The following CEP128 variants were observed in gnomAD, a reference collection of about 807,000 sequenced individuals.
CEP128 encodes centrosomal protein 128.
CEP128 carries 132 observed loss-of-function variants against 156.7 expected under a neutral mutation model. The observed-to-expected ratio is 0.84, with a 90% CI of 0.73 to 0.97. CEP128 has a LOEUF of 0.97. Among genes scored for constraint, CEP128 ranks in the 50% least tolerant of loss-of-function variants. CEP128 has a pLI of 0.00. For synonymous variants in CEP128, 469 were observed against 448.9 expected, an observed-to-expected ratio of 1.04 and a Z score of -0.57; for missense variants, 1,252 against 1,281.9, an observed-to-expected ratio of 0.98 and a Z score of 0.36.
At chr14:80,835,347 T>A (rs1260159031) in intron 12 of CEP128, among the ~76,000 whole-genome samples, 1 of 152,224 alleles carries the variant, frequency 6.6e-6, no homozygotes, top group African/African-American at 2.4e-5. Context: ...TAGAATAGCT[T>A]TGTCAAAATT....
intron 15 of CEP128, among the ~76,000 whole-genome samples, chr14:80,782,987 C>A (rs1027804863): frequency 2.0e-5 from 3 of 152,036 alleles, no homozygotes; most frequent in Middle Eastern, 3.2e-3. Context: ...CCTGCACAAT[C>A]TCATCCAAAT....
At chr14:80,534,197 C>T (rs1396880574) in intron 21 of CEP128, among the ~76,000 whole-genome samples, 1 of 151,044 alleles carries the variant, frequency 6.6e-6, no homozygotes, top group East Asian at 2.0e-4. Flanking sequence ...CTTTGGCATA[C>T]AAACTCAAGA....
At chr14:80,918,836 T>C (rs763626343) in intron 2 of CEP128, among the ~76,000 whole-genome samples, 35 of 152,190 alleles carry the variant, frequency 2.3e-4, no homozygotes, top group Non-Finnish European at 4.3e-4. Context: ...CTAAGTGACA[T>C]ATCTATACTA....
At chr14:80,822,750 A>C in intron 13 of CEP128, 2 of 799,296 alleles carry the variant, frequency 2.5e-6, no homozygotes, top group Non-Finnish European at 4.5e-6. Flanking sequence ...GGAGATGCCA[A>C]AACAGACCAG....
At chr14:80,516,601 C>G (rs1457919479) in intron 23 of CEP128, among the ~76,000 whole-genome samples, 1 of 152,174 alleles carries the variant, frequency 6.6e-6, no homozygotes, top group Non-Finnish European at 1.5e-5. Context: ...ATGGGTCTAG[C>G]TAGAATTCAG....
chr14:80,565,339 T>C (rs1363795647), intron 20 of CEP128, among the ~76,000 whole-genome samples: 1 of 151,968 alleles, frequency 6.6e-6, no homozygotes, highest in African/African-American at 2.4e-5. Context: ...ACCTGACCAA[T>C]CCGCACTCCC....
intron 19 of CEP128, among the ~76,000 whole-genome samples, chr14:80,741,722 A>G (rs1356032861): frequency 6.6e-6 from 1 of 152,154 alleles, no homozygotes; most frequent in African/African-American, 2.4e-5. Context: ...ACTTTGTTCT[A>G]CTTAATAGGT....
chr14:80,571,858 T>C (rs1891153651), intron 20 of CEP128, among the ~76,000 whole-genome samples: 1 of 151,924 alleles, frequency 6.6e-6, no homozygotes, highest in Non-Finnish European at 1.5e-5. Flanking sequence ...AGTATAGTAG[T>C]ATAGAAGCCA....
At chr14:80,727,398 T>C (rs889325379) in intron 19 of CEP128, among the ~76,000 whole-genome samples, 4 of 151,924 alleles carry the variant, frequency 2.6e-5, no homozygotes, top group Admixed American at 1.3e-4. Flanking sequence ...GTTACAGAAG[T>C]GGAGAGGCCA....
At position 80,527,315 on chromosome 14, in the gene CEP128, A is replaced by C. The variant is rs958169127; in HGVS notation, c.2959-333T>G. The C allele has an allele frequency of 3.2e-5, 13 of 411,052 alleles. No individual in the cohort carries two copies. In the Admixed American group the frequency reaches 3.3e-4, roughly 10 times the overall value. 25.5% of individuals were successfully genotyped at this position (411,052 alleles called of 1,614,324 possible). A position where few individuals can be genotyped will look rare whatever the true frequency, so the allele number is the denominator to read the frequency against. ...TATGGTGGTGCATGGCTGTAGTCCC[A>C]GCTACTCAGGAGGCTGAGGTGGGAG... On this transcript the variant is annotated intron_variant, in intron 22 of 24. Transcript: ENST00000555265.
chr14:80,933,208 A>G (rs1295519786), intron 2 of CEP128, among the ~76,000 whole-genome samples: 3 of 152,124 alleles, frequency 2.0e-5, no homozygotes, highest in Non-Finnish European at 4.4e-5. Context: ...CCTGCCTTCC[A>G]GCGTCACTCC....
intron 14 of CEP128, among the ~76,000 whole-genome samples, chr14:80,790,583 T>C (rs188375677): frequency 4.9e-3 from 753 of 152,184 alleles, no homozygotes; most frequent in Middle Eastern, 0.034. Flanking sequence ...TGGGTTTTTT[T>C]TTTCCCCTGC....
intron 1 of CEP128, among the ~76,000 whole-genome samples, chr14:80,940,924 A>G (rs1886117425): frequency 6.6e-6 from 1 of 152,230 alleles, no homozygotes; most frequent in South Asian, 2.1e-4. Flanking sequence ...GCACTGTGCT[A>G]GATACTTTAC....
chr14:80,595,919 G>A (rs1045563573), intron 19 of CEP128, among the ~76,000 whole-genome samples: 7 of 152,020 alleles, frequency 4.6e-5, no homozygotes, highest in African/African-American at 1.7e-4. Context: ...ACTATCACCA[G>A]AACAGCATGG....
At chr14:80,509,199 T>G (rs1888130201) in intron 23 of CEP128, among the ~76,000 whole-genome samples, 1 of 152,228 alleles carries the variant, frequency 6.6e-6, no homozygotes. Flanking sequence ...TAGTTCTATT[T>G]TTAGTTTTTT....
At position 80,785,076 on chromosome 14, in the gene CEP128, T is replaced by A; in HGVS notation, c.2030A>T (p.Glu677Val). The change falls in exon 15 of 25, where the codon GAA (glutamate) becomes GTA (valine). Residue 677 changes from glutamate (E) to valine (V), a missense_variant. Transcript: ENST00000555265. Reference sequence around the variant, plus strand: ...CTGTGTGATGATTGTAGCTGTTTCTTCATCCCTGGATTTTGCCTGTGCAGT... The same window carrying A: ...CTGTGTGATGATTGTAGCTGTTTCTACATCCCTGGATTTTGCCTGTGCAGT... ...DLTAQAKSRD[E>V]ETATIITQLK... The A allele has an allele frequency of 6.2e-7, 1 of 1,614,194 alleles. No homozygotes were observed. The highest frequency in any genetic ancestry group is 8.5e-7 in the Non-Finnish European group (1 of 1,180,004).
intron 19 of CEP128, among the ~76,000 whole-genome samples, chr14:80,705,921 T>A (rs1018643725): frequency 7.2e-5 from 11 of 152,162 alleles, no homozygotes; most frequent in Admixed American, 2.6e-4. Context: ...GGTTAAGTCC[T>A]TAAGTTCTGT....
At chr14:80,704,739 T>C (rs1897182328) in intron 19 of CEP128, among the ~76,000 whole-genome samples, 1 of 148,426 alleles carries the variant, frequency 6.7e-6, no homozygotes, top group South Asian at 2.2e-4. Context: ...ACTGATTCTG[T>C]CTCTCCTTCC....
intron 9 of CEP128, among the ~76,000 whole-genome samples, chr14:80,853,267 A>G (rs564678496): frequency 1.7e-4 from 26 of 151,944 alleles, no homozygotes; most frequent in African/African-American, 5.8e-4. Flanking sequence ...CTTTGCTTCC[A>G]TTTAATATTA....
Sources: allele counts gnomAD v4.1 joint callset (sites outside exome capture counted in the v4.1 genomes callset), GRCh38; gene constraint gnomAD v4.1.1; transcripts MANE v1.5; gene names NCBI Gene and HGNC (gene_info 2026-07-23, HGNC 2026-07-21).